The following ACACA variants were observed in gnomAD, a reference collection of about 807,000 sequenced individuals.
ACACA encodes acetyl-CoA carboxylase alpha, also known as acetyl-CoA carboxylase 1.
ACACA carries 103 observed loss-of-function variants against 296.1 expected under a neutral mutation model. The ratio of observed to expected loss-of-function variants is 0.35; its 90% CI spans 0.30 to 0.41. The LOEUF is 0.41. Among genes scored for constraint, ACACA ranks in the 10% least tolerant of loss-of-function variants. ACACA has a pLI of 1.00. For missense variants in ACACA, 1,554 were observed against 2,989.7 expected, an observed-to-expected ratio of 0.52 and a Z score of 11.20; for synonymous variants, 953 against 1,038.6, an observed-to-expected ratio of 0.92 and a Z score of 1.58.
Position 37,192,165 on chromosome 17 carries a change from C to T in ACACA, c.4341G>A (p.Val1447=). 1.9e-6 allele frequency: 3 copies of T among 1,614,034 alleles called. No homozygotes were observed. Among genetic ancestry groups the T allele is most frequent in the Non-Finnish European group, 2.5e-6 (3 of 1,179,988 alleles). The change falls in exon 37 of 56, where the codon GTG becomes GTA. Residue 1447 remains valine (V), a synonymous_variant. Coordinates refer to ENST00000616317, the MANE Select transcript of ACACA (RefSeq NM_198834.3). ...AGTCTGTCACTTCTGTGCCCACTTC[C>T]ACCTTGGCTGCCCCGAGATACAGGT... ...KMHLYLGAAK[V]EVGTEVTDYR...
intron 47 of ACACA, among the ~76,000 whole-genome samples, chr17:37,128,072 G>T (rs2143329393): frequency 7.7e-6 from 1 of 130,224 alleles, no homozygotes; most frequent in East Asian, 2.5e-4. Context: ...AAGAAGATTA[G>T]TATGGTGACT....
At chr17:37,181,654 C>T (rs1008037750) in intron 39 of ACACA, among the ~76,000 whole-genome samples, 3 of 151,984 alleles carry the variant, frequency 2.0e-5, no homozygotes, top group Non-Finnish European at 4.4e-5. Context: ...AATCCCAGCA[C>T]TTTGGGAGGC....
At chr17:37,299,538 C>CGA in intron 3 of ACACA, 1 of 1,423,348 alleles carries the variant, frequency 7.0e-7, no homozygotes, top group Non-Finnish European at 9.2e-7. Context: ...TCCTTCTTTC[C>CGA]CCACCTTTCT....
intron 1 of ACACA, among the ~76,000 whole-genome samples, chr17:37,390,334 A>ATATATATATATATCTAT (rs2050822111): frequency 1.1e-5 from 1 of 93,442 alleles, no homozygotes; most frequent in East Asian, 3.4e-4. Flanking sequence ...ATATATATAT[A>ATATATATATATATCTAT]AAAGGCCAGC....
intron 55 of ACACA, 152 bp from the exon 56 acceptor site, chr17:37,087,591 TCC>T (rs1379829167): frequency 1.9e-6 from 2 of 1,031,664 alleles, no homozygotes; most frequent in Admixed American, 2.0e-5. Context: ...ATTACAAATA[TCC>T]AGCCAAGGTA....
At chr17:37,401,147 T>G (rs1202883868) in intron 1 of ACACA, among the ~76,000 whole-genome samples, 1 of 152,126 alleles carries the variant, frequency 6.6e-6, no homozygotes, top group African/African-American at 2.4e-5. Flanking sequence ...TGTTGAACAT[T>G]TTTTTCACAT....
At chr17:37,390,330 A>ATATATATATATATATATATATCTATATC (rs1386032855) in intron 1 of ACACA, among the ~76,000 whole-genome samples, 4 of 41,586 alleles carry the variant, frequency 9.6e-5, no homozygotes, top group Non-Finnish European at 1.5e-4. Flanking sequence ...ATATATATAT[A>ATATATATATATATATATATATCTATATC]TATAAAAGGC....
chr17:37,389,337 C>T (rs759320044), intron 1 of ACACA: 2 of 1,591,006 alleles, frequency 1.3e-6, no homozygotes, highest in Non-Finnish European at 8.6e-7. Flanking sequence ...ACAGCTGAAT[C>T]CAAGCCTGAC....
intron 39 of ACACA, among the ~76,000 whole-genome samples, chr17:37,183,313 G>A (rs1806825496): frequency 6.6e-6 from 1 of 152,128 alleles, no homozygotes; most frequent in Non-Finnish European, 1.5e-5. Flanking sequence ...AATTTAAATG[G>A]TACAAATATT....
chr17:37,153,703 ATTGT>A (rs1202098476), intron 43 of ACACA, among the ~76,000 whole-genome samples: 3 of 152,180 alleles, frequency 2.0e-5, no homozygotes, highest in Non-Finnish European at 4.4e-5. Context: ...GCAAATACTT[ATTGT>A]TTAACTACCT....
At chr17:37,223,721 C>G in intron 27 of ACACA, 120 bp from the exon 28 acceptor site, 1 of 735,990 alleles carries the variant, frequency 1.4e-6, no homozygotes. Context: ...ATGCCATAAT[C>G]TCTCTGTGCC....
intron 2 of ACACA, 37 bp from the exon 3 acceptor site, chr17:37,330,462 G>A (rs556588646): frequency 6.2e-7 from 1 of 1,612,512 alleles, no homozygotes; most frequent in African/African-American, 1.3e-5. Flanking sequence ...GGCAGGTTAT[G>A]AATAATAATC....
chr17:37,245,129 C>T lies in ACACA; in HGVS notation c.2546G>A (p.Gly849Asp). Residue 849 changes from glycine to aspartate, a missense_variant, in exon 20 of 56, where the codon GGC becomes GAC. Coordinates refer to ENST00000616317, the MANE Select transcript of ACACA (RefSeq NM_198834.3). Reference sequence around the variant, plus strand: ...CAGTTGCATTTTGGCTAGTACACAGCCAGGGTCAAGAGCTGCTCCAGGTCG... The same window carrying T: ...CAGTTGCATTTTGGCTAGTACACAGTCAGGGTCAAGAGCTGCTCCAGGTCG... ...VKRPGAALDP[G>D]CVLAKMQLDN... 6.2e-7 allele frequency: 1 copy of T among 1,614,166 alleles called. No homozygotes were observed. Among genetic ancestry groups the T allele is most frequent in the Non-Finnish European group, 8.5e-7 (1 of 1,180,022 alleles).
chr17:37,404,749 TG>T (rs2051409600), intron 1 of ACACA, among the ~76,000 whole-genome samples: 2 of 151,908 alleles, frequency 1.3e-5, no homozygotes, highest in African/African-American at 4.8e-5. Context: ...TAATTTTTTT[TG>T]TATTTTTAGT....
chr17:37,299,852 T>C (rs1265259573), intron 3 of ACACA: 3 of 961,070 alleles, frequency 3.1e-6, no homozygotes, highest in Non-Finnish European at 3.7e-6. Context: ...GCTCATGAAA[T>C]CCAGAGGGAG....
intron 50 of ACACA, among the ~76,000 whole-genome samples, chr17:37,116,756 A>G (rs1341991973): frequency 6.6e-6 from 1 of 152,222 alleles, no homozygotes; most frequent in Non-Finnish European, 1.5e-5. Flanking sequence ...AGGTTGAAAC[A>G]CTTGGCAACA....
At chr17:37,389,905 C>G (rs1250985922) in intron 1 of ACACA, among the ~76,000 whole-genome samples, 2 of 150,392 alleles carry the variant, frequency 1.3e-5, no homozygotes, top group African/African-American at 2.4e-5. Context: ...AGACATGATA[C>G]AATAGGGTGC....
Position 37,366,578 on chromosome 17 carries a change from C to A in ACACA, c.39-26728G>T, listed in dbSNP as rs560452765. Among the ~76,000 whole-genome samples, 11 of 151,788 alleles carry A rather than the reference C, an allele frequency of 7.2e-5. No individual in the cohort carries two copies. The South Asian group carries it at 2.3e-3, about 32-fold the overall frequency. On this transcript the variant is annotated intron_variant, in intron 1 of 55. Coordinates refer to ENST00000616317, the MANE Select transcript of ACACA (RefSeq NM_198834.3). ...CTGCCTCCCGGGTTCAAGCAATTCT[C>A]CTGCCTCAGCCTCCCAAGTAGCTGG... is the stretch of plus-strand genomic sequence containing the variant.
At chr17:37,165,915 C>T (rs1375841593) in intron 41 of ACACA, among the ~76,000 whole-genome samples, 2 of 151,508 alleles carry the variant, frequency 1.3e-5, no homozygotes, top group Admixed American at 1.3e-4. Flanking sequence ...GGCCTCAAGC[C>T]ATCCTCCTGC....
Sources: allele counts gnomAD v4.1 joint callset (sites outside exome capture counted in the v4.1 genomes callset), GRCh38; gene constraint gnomAD v4.1.1; transcripts MANE v1.5; gene names NCBI Gene and HGNC (gene_info 2026-07-23, HGNC 2026-07-21).